The following STRN variants were observed in gnomAD, a reference collection of about 807,000 sequenced individuals.
STRN encodes the protein protein phosphatase 2 regulatory subunit B'''alpha.
STRN carries 53 observed loss-of-function variants against 96.3 expected under a neutral mutation model. The observed-to-expected ratio is 0.55, with a 90% CI of 0.44 to 0.69. The LOEUF (loss-of-function observed/expected upper bound fraction) is 0.69, where lower values mean the gene tolerates loss of function less well. Among genes scored for constraint, STRN ranks in the 30% least tolerant of loss-of-function variants. The pLI, the probability that STRN is intolerant of heterozygous loss-of-function variation, is 0.00. For synonymous variants in STRN, 428 were observed against 355.9 expected (o/e 1.20, Z -2.28); for missense variants, 987 against 963.9 (o/e 1.02, Z -0.32).
intron 12 of STRN, among the ~76,000 whole-genome samples, chr2:36,862,339 G>A (rs1668510485): frequency 6.6e-6 from 1 of 152,186 alleles, no homozygotes. Context: ...GCTTTCCACA[G>A]TGGCTGAACT....
At chr2:36,959,064 C>T (rs778560198) in intron 1 of STRN, among the ~76,000 whole-genome samples, 32 of 152,002 alleles carry the variant, frequency 2.1e-4, no homozygotes, top group African/African-American at 5.3e-4. Context: ...TGCAGTGAGC[C>T]GAGATTGTGC....
chr2:36,840,274 G>A lies in STRN; in HGVS notation c.*9182C>T, dbSNP rs1247781471. The A allele has an allele frequency of 6.6e-6, 1 of 152,394 alleles. No homozygotes were observed. The highest frequency in any genetic ancestry group is 2.4e-5 in the African/African-American group (1 of 41,454). 9.4% of individuals were successfully genotyped at this position (152,394 alleles called of 1,614,324 possible). ...ACTGATCAGAGGCCAGTGGGGAACA[G>A]GGGATGAGCAGAGGAGATATGGGGG... is the stretch of plus-strand genomic sequence containing the variant. On this transcript the variant is annotated 3_prime_UTR_variant, in exon 18 of 18. Coordinates refer to ENST00000263918, the MANE Select transcript of STRN (RefSeq NM_003162.4).
At chr2:36,955,038 A>G (rs1664850333) in intron 1 of STRN, among the ~76,000 whole-genome samples, 1 of 152,368 alleles carries the variant, frequency 6.6e-6, no homozygotes, top group African/African-American at 2.4e-5. Flanking sequence ...TACTCGAAGA[A>G]AAACTTCAAA....
chr2:36,854,582 T>C (rs1668298604), intron 15 of STRN, among the ~76,000 whole-genome samples: 2 of 152,306 alleles, frequency 1.3e-5, no homozygotes, highest in South Asian at 4.1e-4. Context: ...CAACATATCA[T>C]CACTTTTAAA....
intron 1 of STRN, among the ~76,000 whole-genome samples, chr2:36,952,215 A>G (rs1664771001): frequency 6.6e-6 from 1 of 152,180 alleles, no homozygotes; most frequent in Admixed American, 6.5e-5. Context: ...TTTTTAAGAT[A>G]CCATTTTAAC....
chr2:36,872,338 C>T (rs1175300950), intron 10 of STRN, among the ~76,000 whole-genome samples: 2 of 152,166 alleles, frequency 1.3e-5, no homozygotes, highest in East Asian at 1.9e-4. Flanking sequence ...CACCAATAGA[C>T]AGCAAAGAAC....
intron 6 of STRN, among the ~76,000 whole-genome samples, chr2:36,897,863 AT>A (rs575094614): frequency 6.7e-6 from 1 of 150,158 alleles, no homozygotes; most frequent in East Asian, 2.0e-4. Context: ...TTAAAAAAAA[AT>A]TTTTTTTTTA....
chr2:36,867,688 T>A lies in STRN; in HGVS notation c.1547+126A>T, dbSNP rs1668664554. 9 of 546,614 alleles carry A rather than the reference T, an allele frequency of 1.6e-5. No individual in the cohort carries two copies. The South Asian group carries it at 1.7e-4, about 11-fold the overall frequency. The allele number at this position is 546,614 out of a possible 1,614,324, so 33.9% of individuals were successfully genotyped here. A position where few individuals can be genotyped will look rare whatever the true frequency, so the allele number is the denominator to read the frequency against. On this transcript the variant is annotated intron_variant, in intron 12 of 17. Coordinates refer to ENST00000263918, the MANE Select transcript of STRN (RefSeq NM_003162.4). ...TTTTAGCATTATATTATCTGTCAAATTCTTTTACATTAAAAAAACACTCCT... is the reference window on the plus strand; with the variant it reads ...TTTTAGCATTATATTATCTGTCAAAATCTTTTACATTAAAAAAACACTCCT...
intron 1 of STRN, among the ~76,000 whole-genome samples, chr2:36,934,570 T>C (rs185382560): frequency 2.0e-5 from 3 of 152,356 alleles, no homozygotes; most frequent in East Asian, 1.9e-4. Flanking sequence ...TTGATAGGTA[T>C]ATAATCTCTA....
At chr2:36,903,344 C>T (rs1239193368) in intron 4 of STRN, among the ~76,000 whole-genome samples, 1 of 152,168 alleles carries the variant, frequency 6.6e-6, no homozygotes, top group Non-Finnish European at 1.5e-5. Flanking sequence ...AGAGCAAAGG[C>T]TTTGTATTGA....
chr2:36,875,946 G>A (rs1027456208), intron 10 of STRN, among the ~76,000 whole-genome samples: 3 of 152,010 alleles, frequency 2.0e-5, no homozygotes, highest in East Asian at 1.9e-4. Context: ...GTGAGCCACC[G>A]CGCCTGGCTT....
rs1670512945 is a variant in STRN at position 36,929,471 on chromosome 2, C to A, written c.235-4263G>T. 2.0e-5 allele frequency among the ~76,000 whole-genome samples: 3 copies of A among 152,138 alleles called. No homozygotes were observed. The South Asian group carries it at 6.2e-4, about 32-fold the overall frequency. On this transcript the variant is annotated intron_variant, in intron 1 of 17. Transcript: ENST00000263918. Reference sequence around the variant, plus strand: ...CGATTTCGGCTCACTGCAACTTCAGCCTCCCAGGGTCGAAGTAATTCTCCT... The same window carrying A: ...CGATTTCGGCTCACTGCAACTTCAGACTCCCAGGGTCGAAGTAATTCTCCT...
intron 10 of STRN, among the ~76,000 whole-genome samples, chr2:36,875,530 G>T (rs967240615): frequency 1.9e-4 from 19 of 98,578 alleles, no homozygotes; most frequent in Admixed American, 1.3e-3. Context: ...AAAAAAAAAA[G>T]ATTGAATGCT....
intron 6 of STRN, among the ~76,000 whole-genome samples, chr2:36,897,370 A>C (rs1018771268): frequency 3.3e-5 from 5 of 151,972 alleles, no homozygotes; most frequent in African/African-American, 1.2e-4. Flanking sequence ...TAATGTAAAA[A>C]ATAAGCAAAA....
In STRN at chr2:36,899,641, T is replaced by A. The variant is rs761426056; in HGVS notation, c.677A>T (p.Asp226Val). ...TAMIAKSELT[D>V]SASVLDNFKF... The stretch of plus-strand genomic sequence containing the variant: ...GAAATTATCCAGCACGGAGGCAGAA[T>A]CTGTTAACTCAGATTTTCTGGTGTA... Residue 226 changes from aspartate (D) to valine (V), a missense_variant, in exon 6 of 18, where the codon GAT becomes GTT. Transcript: ENST00000263918. The A allele has an allele frequency of 8.1e-6, 13 of 1,609,798 alleles. No homozygotes were observed. The South Asian group carries it at 1.4e-4, about 18-fold the overall frequency.
Position 36,846,396 on chromosome 2 carries a change from T to C in STRN, c.*3060A>G, listed in dbSNP as rs1668075865. The C allele has an allele frequency of 2.6e-5, 1 of 38,428 alleles. No individual in the cohort carries two copies. The highest frequency in any genetic ancestry group is 9.0e-5 in the Non-Finnish European group (1 of 11,154). 2.4% of individuals were successfully genotyped at this position (38,428 alleles called of 1,614,324 possible). A position where few individuals can be genotyped will look rare whatever the true frequency, so the allele number is the denominator to read the frequency against. On this transcript the variant is annotated 3_prime_UTR_variant, in exon 18 of 18. Coordinates refer to ENST00000263918, the MANE Select transcript of STRN (RefSeq NM_003162.4). ...AAAATGCACCTATGGTTTATATATATATATATATATATATATATATATATA... is the reference window on the plus strand; with the variant it reads ...AAAATGCACCTATGGTTTATATATACATATATATATATATATATATATATA...
chr2:36,868,233 T>G (rs1668677957), intron 11 of STRN, among the ~76,000 whole-genome samples: 1 of 142,516 alleles, frequency 7.0e-6, no homozygotes, highest in African/African-American at 2.4e-5. Context: ...AACTTCAGAT[T>G]ACTCCGTTTA....
At chr2:36,929,059 GAA>G (rs1442467299) in intron 1 of STRN, among the ~76,000 whole-genome samples, 2 of 151,840 alleles carry the variant, frequency 1.3e-5, no homozygotes, top group East Asian at 3.9e-4. Context: ...TTCTGGAGAA[GAA>G]AACTTTGGAA....
intron 7 of STRN, among the ~76,000 whole-genome samples, chr2:36,892,404 C>T (rs546352362): frequency 2.8e-4 from 43 of 152,066 alleles, no homozygotes; most frequent in African/African-American, 8.7e-4. Context: ...TGCAAATGTA[C>T]TCCCAAAACT....
Sources: gnomAD v4.1 joint callset for allele counts (sites outside exome capture counted in the v4.1 genomes callset) on GRCh38, gnomAD v4.1.1 for gene constraint, MANE v1.5 for transcripts, NCBI Gene and HGNC (gene_info 2026-07-23, HGNC 2026-07-21) for gene names.